EPB41L4A: variants seen among roughly 807,000 people sequenced by gnomAD.
EPB41L4A encodes the protein band 4.1-like protein 4A.
A neutral mutation model predicts 108.6 loss-of-function variants in EPB41L4A; 100 were observed. The ratio of observed to expected loss-of-function variants is 0.92; its 90% CI spans 0.78 to 1.09. The LOEUF is 1.09. Ranked by LOEUF, EPB41L4A falls within the 50% of genes least tolerant of loss-of-function variation. The pLI is 0.00. For missense variants in EPB41L4A, 1,030 were observed against 842.7 expected, an observed-to-expected ratio of 1.22 and a Z score of -2.75; for synonymous variants, 319 against 289.0, an observed-to-expected ratio of 1.10 and a Z score of -1.05.
chr5:112,261,503 C>T (rs1032713770), intron 7 of EPB41L4A, among the ~76,000 whole-genome samples: 1 of 152,092 alleles, frequency 6.6e-6, no homozygotes, highest in Admixed American at 6.5e-5. Flanking sequence ...TATTGCTATC[C>T]ACATTCCTCT....
At position 112,240,805 on chromosome 5, in the gene EPB41L4A, G is replaced by A. The variant is rs771415842; in HGVS notation, c.801C>T (p.Asn267=). ...FELRVLGKDC[N]ETSFFFEARS... ...GAGCTTCAAAAAAGAATGAGGTTTC[G>A]TTACACTAAGAGAGAAAGAGAGACA... Residue 267 remains asparagine, a synonymous_variant, in exon 10 of 23, where the codon AAC becomes AAT. Coordinates refer to ENST00000261486, the MANE Select transcript of EPB41L4A (RefSeq NM_022140.5). The A allele has an allele frequency of 3.9e-5, 62 of 1,580,890 alleles. No homozygotes were observed. The highest frequency in any genetic ancestry group is 1.5e-4 in the Admixed American group (8 of 52,318).
At chr5:112,339,461 G>GATATATAAATATCT in intron 1 of EPB41L4A, among the ~76,000 whole-genome samples, 1 of 121,178 alleles carries the variant, frequency 8.3e-6, no homozygotes, top group African/African-American at 3.2e-5. Flanking sequence ...TATAGCTATA[G>GATATATAAATATCT]ATATATATAT....
At chr5:112,173,651 T>C (rs1003291642) in intron 18 of EPB41L4A, 2 of 151,374 alleles carry the variant, frequency 1.3e-5, no homozygotes, top group African/African-American at 2.4e-5. Context: ...TCTTTGTTTT[T>C]TTTTTTTTTT....
At chr5:112,236,820 TG>T (rs1749371791) in intron 11 of EPB41L4A, among the ~76,000 whole-genome samples, 1 of 152,238 alleles carries the variant, frequency 6.6e-6, no homozygotes, top group South Asian at 2.1e-4. Context: ...ACTTTACTTT[TG>T]GAGGCTCCAA....
At chr5:112,309,793 C>A (rs543769035) in intron 1 of EPB41L4A, among the ~76,000 whole-genome samples, 1 of 152,250 alleles carries the variant, frequency 6.6e-6, no homozygotes, top group East Asian at 1.9e-4. Flanking sequence ...GGGGGAAAGT[C>A]AACTATATTC....
At chr5:112,320,401 A>G (rs974438731) in intron 1 of EPB41L4A, among the ~76,000 whole-genome samples, 8 of 152,236 alleles carry the variant, frequency 5.3e-5, no homozygotes, top group Non-Finnish European at 7.3e-5. Flanking sequence ...AAAGCCCTCT[A>G]AAGTGACCCA....
At chr5:112,177,078 T>C (rs927156184) in intron 18 of EPB41L4A, among the ~76,000 whole-genome samples, 2 of 152,038 alleles carry the variant, frequency 1.3e-5, no homozygotes, top group Non-Finnish European at 2.9e-5. Context: ...TGAACTACTA[T>C]CCACACAAAT....
At chr5:112,305,311 T>C (rs751625400) in intron 2 of EPB41L4A, among the ~76,000 whole-genome samples, 12 of 152,114 alleles carry the variant, frequency 7.9e-5, no homozygotes, top group Non-Finnish European at 1.5e-4. Context: ...ATGGTGGTAA[T>C]AATGGAGAAT....
chr5:112,305,032 T>C (rs1269544132), intron 2 of EPB41L4A, among the ~76,000 whole-genome samples: 1 of 152,114 alleles, frequency 6.6e-6, no homozygotes, highest in Non-Finnish European at 1.5e-5. Flanking sequence ...AAAACACCAG[T>C]TCCTTAAAGG....
intron 12 of EPB41L4A, among the ~76,000 whole-genome samples, chr5:112,221,799 C>T (rs1748071110): frequency 6.6e-6 from 1 of 152,178 alleles, no homozygotes; most frequent in Non-Finnish European, 1.5e-5. Flanking sequence ...TATATAATAG[C>T]CCTTTCATTT....
At chr5:112,188,713 G>T in intron 17 of EPB41L4A, among the ~76,000 whole-genome samples, 2 of 152,206 alleles carry the variant, frequency 1.3e-5, no homozygotes, top group Middle Eastern at 3.4e-3. Context: ...TTTTTACCTC[G>T]TTTGCAGCCC....
At chr5:112,316,480 CT>C (rs1314851139) in intron 1 of EPB41L4A, among the ~76,000 whole-genome samples, 1 of 152,142 alleles carries the variant, frequency 6.6e-6, no homozygotes, top group African/African-American at 2.4e-5. Context: ...CCAAAGGTAA[CT>C]CCTTCCCAGG....
At chr5:112,367,651 T>C (rs1759218277) in intron 1 of EPB41L4A, among the ~76,000 whole-genome samples, 1 of 152,212 alleles carries the variant, frequency 6.6e-6, no homozygotes, top group Admixed American at 6.5e-5. Context: ...ACACAGCAAG[T>C]GCGTCACAAA....
intron 1 of EPB41L4A, among the ~76,000 whole-genome samples, chr5:112,393,890 C>T (rs879052806): frequency 6.6e-6 from 1 of 152,090 alleles, no homozygotes; most frequent in Non-Finnish European, 1.5e-5. Context: ...GGCTTATCCA[C>T]CAAGATCAAG....
intron 12 of EPB41L4A, among the ~76,000 whole-genome samples, chr5:112,157,123 G>A (rs937707754): frequency 4.0e-5 from 6 of 151,084 alleles, no homozygotes; most frequent in African/African-American, 1.5e-4. Context: ...AGAATAGAGA[G>A]TGCAAAGGTA....
chr5:112,413,233 GT>G (rs1762515430), intron 1 of EPB41L4A, among the ~76,000 whole-genome samples: 1 of 152,192 alleles, frequency 6.6e-6, no homozygotes, highest in Non-Finnish European at 1.5e-5. Context: ...TGTGATTCAT[GT>G]TTTCTGAAAT....
rs764591870 is a variant in EPB41L4A, at chr5:112,184,115, A to G, written c.1523T>C (p.Met508Thr). 134 of 1,613,834 alleles carry G rather than the reference A, an allele frequency of 8.3e-5. 1 individual carries two copies. The South Asian group carries it at 1.3e-3, about 15-fold the overall frequency. ...KRNRIRQEND[M>T]VDSAPQWEAV... is the part of the protein sequence containing the mutation. The stretch of plus-strand genomic sequence containing the variant: ...TTCCCACTGAGGCGCTGAATCAACC[A>G]TATCATTCTCCTGCCGTATTCTGAA... Residue 508 changes from methionine (M) to threonine (T), a missense_variant, in exon 18 of 23, where the codon ATG becomes ACG. Met to Thr is a moderately conservative substitution (Grantham distance 81). Coordinates refer to ENST00000261486, the MANE Select transcript of EPB41L4A (RefSeq NM_022140.5).
At chr5:112,419,437 C>T, upstream of EPB41L4A, 1 of 359,082 alleles carries the variant, frequency 2.8e-6, no homozygotes, top group South Asian at 2.1e-5. Flanking sequence ...CGAGGCTCTC[C>T]CCGGCCTTGG....
intron 1 of EPB41L4A, among the ~76,000 whole-genome samples, chr5:112,395,397 G>C (rs1198553714): frequency 6.6e-6 from 1 of 151,916 alleles, no homozygotes; most frequent in African/African-American, 2.4e-5. Flanking sequence ...AACAAATTTA[G>C]AAGAAAAAAC....
Sources: gnomAD v4.1 joint callset for allele counts (sites outside exome capture counted in the v4.1 genomes callset) on GRCh38, gnomAD v4.1.1 for gene constraint, MANE v1.5 for transcripts, NCBI Gene and HGNC (gene_info 2026-07-23, HGNC 2026-07-21) for gene names.